Variants in ABCC4 observed in about 807,000 individuals in gnomAD.
ABCC4 encodes the protein ATP binding cassette subfamily C member 4 (PEL blood group), also known as ATP-binding cassette sub-family C member 4.
ABCC4 carries 102 observed loss-of-function variants against 168.5 expected under a neutral mutation model. That is an observed-to-expected ratio of 0.61 (90% CI 0.52 to 0.71). ABCC4 has a LOEUF of 0.71. Among genes scored for constraint, ABCC4 ranks in the 30% least tolerant of loss-of-function variants. The probability of loss-of-function intolerance (pLI) is 0.00; values close to 1 mark genes in which losing one functional copy is unlikely to be tolerated. For synonymous variants in ABCC4, 617 were observed against 590.7 expected, an observed-to-expected ratio of 1.04 and a Z score of -0.65; for missense variants, 1,402 against 1,605.8, an observed-to-expected ratio of 0.87 and a Z score of 2.17.
At position 95,077,992 on chromosome 13, in the gene ABCC4, G is replaced by A. The variant is rs1248328427; in HGVS notation, c.2687-2441C>T. On this transcript the variant is annotated intron_variant, in intron 21 of 30. Transcript: ENST00000645237. Reference sequence around the variant, plus strand: ...AGTGGGAAGCCCTGGGTTGGGGAAAGGCAGATGGAGCTGCAGGTTACTGAC... The same window carrying A: ...AGTGGGAAGCCCTGGGTTGGGGAAAAGCAGATGGAGCTGCAGGTTACTGAC... 2.0e-5 allele frequency among the ~76,000 whole-genome samples: 3 copies of A among 152,186 alleles called. No homozygotes were observed. The East Asian group carries it at 5.8e-4, about 29-fold the overall frequency.
chr13:95,132,732 G>T (rs1170305940), intron 19 of ABCC4, among the ~76,000 whole-genome samples: 1 of 152,108 alleles, frequency 6.6e-6, no homozygotes, highest in Non-Finnish European at 1.5e-5. Flanking sequence ...ATATTATTCA[G>T]CTTTAAGATG....
At chr13:95,079,909 T>A (rs1182520907) in intron 21 of ABCC4, among the ~76,000 whole-genome samples, 1 of 152,192 alleles carries the variant, frequency 6.6e-6, no homozygotes, top group African/African-American at 2.4e-5. Context: ...AGTGGTAGAC[T>A]TGGGCATGGA....
intron 1 of ABCC4, among the ~76,000 whole-genome samples, chr13:95,264,597 C>A (rs1286833266): frequency 6.6e-6 from 1 of 151,986 alleles, no homozygotes; most frequent in Non-Finnish European, 1.5e-5. Flanking sequence ...AATGTGATGA[C>A]CTGAATATTT....
chr13:95,263,652 G>A lies in ABCC4; in HGVS notation c.75-15899C>T, dbSNP rs568902068. On this transcript the variant is annotated intron_variant, in intron 1 of 30. Coordinates refer to ENST00000645237, the MANE Select transcript of ABCC4 (RefSeq NM_005845.5). Reference sequence around the variant, plus strand: ...AGCCTGGCCAACATGGTGAAACCCCGTCTCTACTAAAAATACAAAAATTAG... The same window carrying A: ...AGCCTGGCCAACATGGTGAAACCCCATCTCTACTAAAAATACAAAAATTAG... 7.9e-5 allele frequency among the ~76,000 whole-genome samples: 12 copies of A among 152,054 alleles called. No homozygotes were observed. The South Asian group carries it at 8.3e-4, about 11-fold the overall frequency.
chr13:95,242,514 C>T (rs1186887502), intron 3 of ABCC4, among the ~76,000 whole-genome samples: 1 of 151,892 alleles, frequency 6.6e-6, no homozygotes, highest in Non-Finnish European at 1.5e-5. Flanking sequence ...GCGTGAGCCA[C>T]TGCGCCTGGC....
At chr13:95,178,498 G>A (rs972243416) in intron 11 of ABCC4, among the ~76,000 whole-genome samples, 3 of 152,200 alleles carry the variant, frequency 2.0e-5, no homozygotes, top group African/African-American at 7.2e-5. Flanking sequence ...GAGTGACAGA[G>A]GGAAAGTCCA....
At chr13:95,225,153 TCA>T (rs61398515) in intron 4 of ABCC4, among the ~76,000 whole-genome samples, 1,180 of 35,126 alleles carry the variant, frequency 0.034, 13 homozygotes, top group Middle Eastern at 0.069. Context: ...TCTCTCTCTC[TCA>T]CACACACACA....
chr13:95,140,815 C>T (rs988747156), intron 19 of ABCC4, among the ~76,000 whole-genome samples: 1 of 152,182 alleles, frequency 6.6e-6, no homozygotes, highest in Admixed American at 6.5e-5. Flanking sequence ...CCGACATTTT[C>T]CATCACTCAC....
At chr13:95,169,371 T>C (rs994894339) in intron 14 of ABCC4, among the ~76,000 whole-genome samples, 10 of 152,190 alleles carry the variant, frequency 6.6e-5, no homozygotes, top group Non-Finnish European at 1.5e-4. Context: ...TCTCTTAAAA[T>C]CACAGATCAA....
At chr13:95,244,060 C>T (rs1000422986) in intron 3 of ABCC4, among the ~76,000 whole-genome samples, 10 of 152,052 alleles carry the variant, frequency 6.6e-5, no homozygotes, top group African/African-American at 2.4e-4. Flanking sequence ...ACAGCCATGC[C>T]CCACTGTTCC....
At position 95,209,461 on chromosome 13, in the gene ABCC4, C is replaced by G. The variant is rs767286152; in HGVS notation, c.758G>C (p.Cys253Ser). ...CAGTGATGAGAACAACTTCCCAAAA[C>G]AGCTTTGCAAGGGCAGGAGAATGAT... ...VLIILLPLQS[C>S]FGKLFSSLRS... is the part of the protein sequence containing the mutation. Residue 253 changes from cysteine to serine, a missense_variant, in exon 6 of 31, where the codon TGT becomes TCT. Cys to Ser is a moderately radical substitution (Grantham distance 112, BLOSUM62 -1). Coordinates refer to ENST00000645237, the MANE Select transcript of ABCC4 (RefSeq NM_005845.5). The G allele has an allele frequency of 3.1e-6, 5 of 1,614,160 alleles. No homozygotes were observed. In the South Asian group the frequency reaches 5.5e-5, roughly 18 times the overall value.
At chr13:95,188,329 T>G in intron 10 of ABCC4, 124 bp downstream of exon 10, 2 of 860,264 alleles carry the variant, frequency 2.3e-6, no homozygotes, top group Non-Finnish European at 4.0e-6. Context: ...TTCCATGCAC[T>G]GAGAAATGCC....
At chr13:95,282,698 C>T (rs977238823) in intron 1 of ABCC4, among the ~76,000 whole-genome samples, 5 of 151,682 alleles carry the variant, frequency 3.3e-5, no homozygotes, top group Admixed American at 2.0e-4. Context: ...TCATGCCTGG[C>T]TAATTTTTGT....
chr13:95,225,140 GTCTCTC>G (rs140436228), intron 4 of ABCC4, among the ~76,000 whole-genome samples: 4,146 of 69,806 alleles, frequency 0.059, 82 homozygotes, highest in African/African-American at 0.066. Flanking sequence ...CTGTCTGTCT[GTCTCTC>G]TCTCTCTCAC....
At chr13:95,213,782 C>T (rs1183177940) in intron 4 of ABCC4, among the ~76,000 whole-genome samples, 3 of 152,126 alleles carry the variant, frequency 2.0e-5, no homozygotes, top group East Asian at 1.9e-4. Flanking sequence ...GGATTCAATG[C>T]TAAAGGGGCC....
chr13:95,259,856 G>GAA (rs11345832), intron 1 of ABCC4, among the ~76,000 whole-genome samples: 4 of 140,974 alleles, frequency 2.8e-5, no homozygotes, highest in African/African-American at 5.1e-5. Flanking sequence ...GTAGTGTGGG[G>GAA]AAAAAAAAAA....
intron 4 of ABCC4, among the ~76,000 whole-genome samples, chr13:95,224,065 T>G (rs2039383348): frequency 6.7e-6 from 1 of 148,928 alleles, no homozygotes; most frequent in Non-Finnish European, 1.5e-5. Context: ...TTCCTAAACT[T>G]TACAATAATA....
chr13:95,079,607 G>T (rs540050159), intron 21 of ABCC4, among the ~76,000 whole-genome samples: 12 of 152,306 alleles, frequency 7.9e-5, no homozygotes, highest in Admixed American at 7.2e-4. Flanking sequence ...GGCTGAGGCG[G>T]GTGGATCATC....
At chr13:95,152,214 T>G (rs2139513229) in intron 19 of ABCC4, among the ~76,000 whole-genome samples, 1 of 152,250 alleles carries the variant, frequency 6.6e-6, no homozygotes, top group Admixed American at 6.5e-5. Context: ...TCCACCAAAG[T>G]AATCTATTAC....
Sources: gnomAD v4.1 joint callset for allele counts (sites outside exome capture counted in the v4.1 genomes callset) on GRCh38, gnomAD v4.1.1 for gene constraint, MANE v1.5 for transcripts, NCBI Gene and HGNC (gene_info 2026-07-23, HGNC 2026-07-21) for gene names.